The following TSPAN18 variants were observed in gnomAD, a reference collection of about 807,000 sequenced individuals.
The protein encoded by TSPAN18 is tetraspanin 18, also known as tetraspanin-18.
TSPAN18 carries 14 observed loss-of-function variants against 27.3 expected under a neutral mutation model. That is an observed-to-expected ratio of 0.51 (90% CI 0.34 to 0.80). TSPAN18 has a LOEUF of 0.80. Ranked by LOEUF, TSPAN18 falls within the 30% of genes least tolerant of loss-of-function variation. The pLI, the probability that TSPAN18 is intolerant of heterozygous loss-of-function variation, is 0.01. For missense variants in TSPAN18, 268 were observed against 323.9 expected, an observed-to-expected ratio of 0.83 and a Z score of 1.32; for synonymous variants, 143 against 136.5, an observed-to-expected ratio of 1.05 and a Z score of -0.33.
At position 44,825,300 on chromosome 11, in the gene TSPAN18, C is replaced by G. The variant is rs114984174; in HGVS notation, c.-152-35028C>G. Among the ~76,000 whole-genome samples, 302 of 152,334 alleles carry G rather than the reference C, an allele frequency of 2.0e-3. 2 individuals carry two copies. The highest frequency in any genetic ancestry group is 7.0e-3 in the African/African-American group (290 of 41,566). On this transcript the variant is annotated intron_variant, in intron 2 of 9. Transcript: ENST00000520358. ...CTGTGTGAGAGCTTTTGCAGATCAC[C>G]TCAGCGCAGCCAAGAACGGAGGGCT... is the stretch of plus-strand genomic sequence containing the variant.
chr11:44,881,641 C>T (rs933526012), intron 3 of TSPAN18, among the ~76,000 whole-genome samples: 5 of 152,136 alleles, frequency 3.3e-5, no homozygotes, highest in South Asian at 2.1e-4. Context: ...TGCAAGTGCC[C>T]GCTGTATGCC....
intron 2 of TSPAN18, among the ~76,000 whole-genome samples, chr11:44,817,889 C>T (rs971973761): frequency 2.0e-5 from 3 of 152,248 alleles, no homozygotes; most frequent in Non-Finnish European, 4.4e-5. Context: ...GGTCCAGGCA[C>T]TTCTGCCAGT....
At chr11:44,836,016 C>T (rs1590554043) in intron 2 of TSPAN18, among the ~76,000 whole-genome samples, 1 of 152,154 alleles carries the variant, frequency 6.6e-6, no homozygotes, top group East Asian at 1.9e-4. Flanking sequence ...CTCCTTGGGC[C>T]TTCCTATTTC....
intron 1 of TSPAN18, among the ~76,000 whole-genome samples, chr11:44,762,960 C>T (rs1855487078): frequency 6.6e-6 from 1 of 152,154 alleles, no homozygotes; most frequent in Non-Finnish European, 1.5e-5. Context: ...AAACCAACAT[C>T]CCTCCCACTG....
chr11:44,866,804 C>A (rs1858049864), intron 3 of TSPAN18, among the ~76,000 whole-genome samples: 1 of 152,212 alleles, frequency 6.6e-6, no homozygotes, highest in Non-Finnish European at 1.5e-5. Flanking sequence ...CTTCCTAGAC[C>A]CAGCCATTTT....
At chr11:44,884,350 C>A (rs1858578690) in intron 3 of TSPAN18, among the ~76,000 whole-genome samples, 1 of 152,218 alleles carries the variant, frequency 6.6e-6, no homozygotes, top group African/African-American at 2.4e-5. Flanking sequence ...GCCTTCATTG[C>A]CTGGTCCTCT....
rs993498459 is a variant in TSPAN18, at chr11:44,875,108, T to C, written c.-11+14639T>C. Among the ~76,000 whole-genome samples the C allele has an allele frequency of 3.5e-4, 53 of 152,112 alleles. 1 individual carries two copies. The highest frequency in any genetic ancestry group is 5.9e-5 in the Non-Finnish European group (4 of 68,024). On this transcript the variant is annotated intron_variant, in intron 3 of 9. Coordinates refer to ENST00000520358, the MANE Select transcript of TSPAN18 (RefSeq NM_130783.5). Reference sequence around the variant, plus strand: ...GCCTTGGACCAGCCCCTTGCAGAGGTACATTCTCCCCCGTGGGGCCCTCCC... The same window carrying C: ...GCCTTGGACCAGCCCCTTGCAGAGGCACATTCTCCCCCGTGGGGCCCTCCC...
At chr11:44,919,396 A>G (rs2135365902) in intron 7 of TSPAN18, 84 bp downstream of exon 7, 2 of 1,162,596 alleles carry the variant, frequency 1.7e-6, no homozygotes, top group Non-Finnish European at 2.6e-6. Context: ...TCAGTAATCA[A>G]TCCAGGCACT....
intron 8 of TSPAN18, among the ~76,000 whole-genome samples, chr11:44,924,819 C>A (rs563465545): frequency 6.6e-6 from 1 of 152,298 alleles, no homozygotes; most frequent in African/African-American, 2.4e-5. Flanking sequence ...GTGCAGCACA[C>A]CAACATGGCA....
At chr11:44,927,719 A>G (rs1380140251) in intron 9 of TSPAN18, among the ~76,000 whole-genome samples, 1 of 152,214 alleles carries the variant, frequency 6.6e-6, no homozygotes, top group African/African-American at 2.4e-5. Flanking sequence ...ATCCGCAGCA[A>G]GCCCAGGGAA....
chr11:44,852,185 G>A (rs1189700024), intron 2 of TSPAN18, among the ~76,000 whole-genome samples: 1 of 152,170 alleles, frequency 6.6e-6, no homozygotes, highest in Non-Finnish European at 1.5e-5. Flanking sequence ...TGTGTTCCCA[G>A]GGTTTATTCT....
At chr11:44,764,326 G>A (rs1393480008) in intron 1 of TSPAN18, 100 bp from the exon 2 acceptor site, 1 of 152,206 alleles carries the variant, frequency 6.6e-6, no homozygotes, top group African/African-American at 2.4e-5. Context: ...AATGGAAGTG[G>A]GGAAAGGAGA....
intron 9 of TSPAN18, among the ~76,000 whole-genome samples, 153 bp from the exon 10 acceptor site, chr11:44,928,978 G>A (rs549208790): frequency 1.3e-5 from 2 of 152,336 alleles, no homozygotes; most frequent in South Asian, 4.1e-4. Flanking sequence ...GGGCTGGTGA[G>A]AAGGGCTGGC....
intron 1 of TSPAN18, among the ~76,000 whole-genome samples, chr11:44,742,703 G>A (rs1163257757): frequency 6.6e-6 from 1 of 152,186 alleles, no homozygotes; most frequent in Non-Finnish European, 1.5e-5. Context: ...CCCTGTTCTC[G>A]CTTGGAGGAG....
intron 3 of TSPAN18, among the ~76,000 whole-genome samples, chr11:44,888,102 T>C (rs1053578968): frequency 6.6e-6 from 1 of 152,132 alleles, no homozygotes; most frequent in African/African-American, 2.4e-5. Context: ...AGGGCAGGCT[T>C]TGCCCGAGTT....
intron 1 of TSPAN18, among the ~76,000 whole-genome samples, chr11:44,762,350 T>C (rs1022479232): frequency 6.6e-6 from 1 of 152,228 alleles, no homozygotes; most frequent in Non-Finnish European, 1.5e-5. Flanking sequence ...ACAAATGATA[T>C]TGCAGAATGT....
rs529647059 is a variant in TSPAN18 at position 44,735,830 on chromosome 11, G to A, written c.-240+8543G>A. Among the ~76,000 whole-genome samples the A allele has an allele frequency of 3.3e-5, 5 of 152,182 alleles. No homozygotes were observed. In the East Asian group the frequency reaches 9.7e-4, roughly 29 times the overall value. ...AGACGGGTTTCACTGTGTTAGCCAGGATGGTCTCGATCTCCTGACCTCATG... is the reference window on the plus strand; with the variant it reads ...AGACGGGTTTCACTGTGTTAGCCAGAATGGTCTCGATCTCCTGACCTCATG... On this transcript the variant is annotated intron_variant, in intron 1 of 9. Transcript: ENST00000520358.
intron 2 of TSPAN18, among the ~76,000 whole-genome samples, chr11:44,846,382 G>C (rs1337005770): frequency 6.6e-6 from 1 of 152,256 alleles, no homozygotes; most frequent in African/African-American, 2.4e-5. Flanking sequence ...TTCTTGCGGA[G>C]TGTTGGGCGC....
chr11:44,731,633 T>TGAGAGA (rs1554976096), intron 1 of TSPAN18, among the ~76,000 whole-genome samples: 2,336 of 107,278 alleles, frequency 0.022, 70 homozygotes, highest in African/African-American at 0.041. Flanking sequence ...TGTGTGTGTG[T>TGAGAGA]GAGAGAGAGA....
Sources: gnomAD v4.1 joint callset for allele counts (sites outside exome capture counted in the v4.1 genomes callset) on GRCh38, gnomAD v4.1.1 for gene constraint, MANE v1.5 for transcripts, NCBI Gene and HGNC (gene_info 2026-07-23, HGNC 2026-07-21) for gene names.